The following SLC6A4 variants were observed in gnomAD, a reference collection of about 807,000 sequenced individuals.
The protein encoded by SLC6A4 is sodium-dependent serotonin transporter.
Under a neutral mutation model 73.4 loss-of-function variants are expected in SLC6A4, and 22 were observed. The observed-to-expected ratio is 0.30, with a 90% CI of 0.21 to 0.43. The LOEUF is 0.43. Ranked by LOEUF, SLC6A4 falls within the 20% of genes least tolerant of loss-of-function variation. The pLI is 1.00. For synonymous variants in SLC6A4, 270 were observed against 315.5 expected, an observed-to-expected ratio of 0.86 and a Z score of 1.53; for missense variants, 593 against 808.5, an observed-to-expected ratio of 0.73 and a Z score of 3.23.
chr17:30,204,788 T>C (rs1906139598), intron 13 of SLC6A4, among the ~76,000 whole-genome samples: 1 of 152,178 alleles, frequency 6.6e-6, no homozygotes, highest in African/African-American at 2.4e-5. Flanking sequence ...TCTCAGGCAC[T>C]AGGGCACTTG....
rs201899549 is a variant in SLC6A4 at position 30,196,942 on chromosome 17, A to T, written c.*1514T>A. The T allele has an allele frequency of 6.6e-6, 1 of 152,440 alleles. No homozygotes were observed. The highest frequency in any genetic ancestry group is 2.4e-5 in the African/African-American group (1 of 41,560). 9.4% of individuals were successfully genotyped at this position (152,440 alleles called of 1,614,324 possible). A position where few individuals can be genotyped will look rare whatever the true frequency, so the allele number is the denominator to read the frequency against. On this transcript the variant is annotated 3_prime_UTR_variant, in exon 15 of 15. Coordinates refer to ENST00000650711, the MANE Select transcript of SLC6A4 (RefSeq NM_001045.6). ...GGAGGAAAACCTAGAATTGGACAGGATGTTTCCTCTGCTGTCTGGACCTTC... is the reference window on the plus strand; with the variant it reads ...GGAGGAAAACCTAGAATTGGACAGGTTGTTTCCTCTGCTGTCTGGACCTTC...
chr17:30,214,978 TTTC>T (rs200647811), intron 8 of SLC6A4, among the ~76,000 whole-genome samples: 2,038 of 124,752 alleles, frequency 0.016, 47 homozygotes, highest in African/African-American at 0.053. Flanking sequence ...TTCTTCTTTC[TTTC>T]TTTTTCTTTC....
At chr17:30,208,954 A>T (rs1164116038) in intron 12 of SLC6A4, among the ~76,000 whole-genome samples, 189 bp downstream of exon 12, 1 of 151,222 alleles carries the variant, frequency 6.6e-6, no homozygotes, top group Non-Finnish European at 1.5e-5. Flanking sequence ...CACCTGTGTC[A>T]GCCTCCCAAA....
chr17:30,202,572 T>C (rs1906071605), intron 14 of SLC6A4, among the ~76,000 whole-genome samples: 1 of 152,196 alleles, frequency 6.6e-6, no homozygotes, highest in African/African-American at 2.4e-5. Flanking sequence ...TCATACAAAT[T>C]GTAAGGTACT....
chr17:30,217,633 C>G (rs1463758590), intron 5 of SLC6A4, among the ~76,000 whole-genome samples: 3 of 152,212 alleles, frequency 2.0e-5, no homozygotes, highest in Non-Finnish European at 2.9e-5. Flanking sequence ...TGGCTCCCTT[C>G]CCTACCCCAA....
At chr17:30,204,394 A>G (rs1169535255) in intron 13 of SLC6A4, 1 of 152,148 alleles carries the variant, frequency 6.6e-6, no homozygotes, top group Non-Finnish European at 1.5e-5. Flanking sequence ...GGAAGCCTTC[A>G]AAACAGGAAC....
At chr17:30,203,105 A>G in intron 14 of SLC6A4, 67 bp downstream of exon 14, 2 of 1,300,984 alleles carry the variant, frequency 1.5e-6, no homozygotes, top group Non-Finnish European at 2.2e-6. Context: ...GCATAACAAG[A>G]TAATCCTTTT....
Position 30,211,478 on chromosome 17 carries a change from A to G in SLC6A4, c.1205-54T>C. 2 of 1,110,580 alleles carry G rather than the reference A, an allele frequency of 1.8e-6. No homozygotes were observed. The highest frequency in any genetic ancestry group is 2.0e-4 in the Middle Eastern group (1 of 5,110). The allele number at this position is 1,110,580 out of a possible 1,614,324, so 68.8% of individuals were successfully genotyped here. A position where few individuals can be genotyped will look rare whatever the true frequency, so the allele number is the denominator to read the frequency against. On this transcript the variant is annotated intron_variant, in intron 9 of 14. Coordinates refer to ENST00000650711, the MANE Select transcript of SLC6A4 (RefSeq NM_001045.6). This position sits in a 1 kb window ranked among gnomAD's most constrained non-coding sequence, Gnocchi z 4.0. The stretch of plus-strand genomic sequence containing the variant: ...GGTTGACAAGACCTGTCCTACAAAG[A>G]TGTCACAGAGGAAAACTCAGCCACA...
rs549026590 is a variant in SLC6A4 at position 30,211,790 on chromosome 17, T to C, written c.1205-366A>G. 3.3e-5 allele frequency among the ~76,000 whole-genome samples: 5 copies of C among 152,328 alleles called. No individual in the cohort carries two copies. The East Asian group carries it at 9.6e-4, about 29-fold the overall frequency. On this transcript the variant is annotated intron_variant, in intron 9 of 14. Coordinates refer to ENST00000650711, the MANE Select transcript of SLC6A4 (RefSeq NM_001045.6). The surrounding 1 kb of genome is among the most constrained non-coding windows in gnomAD (Gnocchi z 4.0). ...CCAGGATTGATATTTCTAAAGTCCA[T>C]GACAGTTAGCCCCCTCTGATGTCTT...
intron 13 of SLC6A4, among the ~76,000 whole-genome samples, chr17:30,204,867 C>G (rs548965311): frequency 1.1e-4 from 16 of 152,068 alleles, no homozygotes; most frequent in African/African-American, 3.6e-4. Flanking sequence ...CAAAGCTGCA[C>G]GTGGGTTTTC....
chr17:30,210,502 G>A lies in SLC6A4; in HGVS notation c.1449+13C>T, dbSNP rs1420201467. 1.2e-6 allele frequency: 2 copies of A among 1,610,942 alleles called. No homozygotes were observed. Among genetic ancestry groups the A allele is most frequent in the Non-Finnish European group, 1.7e-6 (2 of 1,178,508 alleles). On this transcript the variant is annotated intron_variant, in intron 11 of 14. Coordinates refer to ENST00000650711, the MANE Select transcript of SLC6A4 (RefSeq NM_001045.6). ...GGGGAGGCCAACTCAAAGCTGAGGGGCATGATACTCACAAAAGTCAGGGTG... is the reference window on the plus strand; with the variant it reads ...GGGGAGGCCAACTCAAAGCTGAGGGACATGATACTCACAAAAGTCAGGGTG...
At chr17:30,209,273 C>A (rs773220174) in intron 11 of SLC6A4, 31 bp from the exon 12 acceptor site, 2 of 1,419,580 alleles carry the variant, frequency 1.4e-6, no homozygotes, top group South Asian at 1.2e-5. Flanking sequence ...TGGGTGAGGG[C>A]CCTCCAAGGA....
chr17:30,214,790 G>A (rs533432365), intron 8 of SLC6A4, among the ~76,000 whole-genome samples: 473 of 151,512 alleles, frequency 3.1e-3, no homozygotes, highest in Non-Finnish European at 5.6e-3. Context: ...CCGCCACCAC[G>A]CCCGGCTAAT....
chr17:30,221,656 A>G lies in SLC6A4; in HGVS notation c.303T>C (p.Asn101=), dbSNP rs56110451. The change falls in exon 3 of 15, where the codon AAT becomes AAC. Residue 101 remains asparagine (N), a synonymous_variant. Coordinates refer to ENST00000650711, the MANE Select transcript of SLC6A4 (RefSeq NM_001045.6). ...SVIGYAVDLG[N]VWRFPYICYQ... Reference sequence around the variant, plus strand: ...AACATATGTAGGGGAAGCGCCAGACATTGCCCAGGTCCACAGCATAGCCAA... The same window carrying G: ...AACATATGTAGGGGAAGCGCCAGACGTTGCCCAGGTCCACAGCATAGCCAA... The G allele has an allele frequency of 1.5e-3, 2,464 of 1,614,106 alleles. 32 individuals carry two copies. The African/African-American group carries it at 0.029, about 19-fold the overall frequency.
intron 1 of SLC6A4, among the ~76,000 whole-genome samples, chr17:30,225,689 T>C (rs2143015969): frequency 6.6e-6 from 1 of 152,256 alleles, no homozygotes; most frequent in South Asian, 2.1e-4. Context: ...GCTGAGCTGG[T>C]GACAGGCTGA....
intron 13 of SLC6A4, among the ~76,000 whole-genome samples, chr17:30,205,334 T>TAAAC (rs557648255): frequency 1.1e-4 from 17 of 152,224 alleles, no homozygotes; most frequent in South Asian, 4.1e-4. Context: ...AATATGGAAG[T>TAAAC]AAACAAACAA....
At chr17:30,218,677 G>T in intron 4 of SLC6A4, 120 bp downstream of exon 4, 1 of 1,006,628 alleles carries the variant, frequency 9.9e-7, no homozygotes, top group Non-Finnish European at 1.5e-6. Context: ...TACTCAAGCA[G>T]TCTCCCAGGG....
intron 14 of SLC6A4, among the ~76,000 whole-genome samples, chr17:30,199,776 G>A (rs542428460): frequency 1.8e-4 from 28 of 152,256 alleles, no homozygotes; most frequent in African/African-American, 4.6e-4. Flanking sequence ...AGAGCATGCC[G>A]AGTCACGGAA....
At chr17:30,203,425 C>A (rs1906096161) in intron 13 of SLC6A4, 86 bp from the exon 14 acceptor site, 1 of 1,138,066 alleles carries the variant, frequency 8.8e-7, no homozygotes, top group Admixed American at 2.1e-5. Flanking sequence ...ACACCAAATG[C>A]TAAAGCTAAG....
Sources: allele counts gnomAD v4.1 joint callset (sites outside exome capture counted in the v4.1 genomes callset), GRCh38; gene constraint gnomAD v4.1.1; non-coding constraint Gnocchi (gnomAD v3.1); transcripts MANE v1.5; gene names NCBI Gene and HGNC (gene_info 2026-07-23, HGNC 2026-07-21).